Variants in KCNN2 observed in about 807,000 individuals in gnomAD.
KCNN2 encodes the protein small conductance calcium-activated potassium channel protein 2.
A neutral mutation model predicts 55.5 loss-of-function variants in KCNN2; 24 were observed. The ratio of observed to expected loss-of-function variants is 0.43; its 90% CI spans 0.31 to 0.61. The LOEUF (loss-of-function observed/expected upper bound fraction) is 0.61, where lower values mean the gene tolerates loss of function less well. Among genes scored for constraint, KCNN2 ranks in the 20% least tolerant of loss-of-function variants. The pLI, the probability that KCNN2 is intolerant of heterozygous loss-of-function variation, is 0.08. For missense variants in KCNN2, 754 were observed against 853.6 expected, an observed-to-expected ratio of 0.88 and a Z score of 1.45; for synonymous variants, 431 against 336.1, an observed-to-expected ratio of 1.28 and a Z score of -3.09.
intron 1 of KCNN2, among the ~76,000 whole-genome samples, chr5:114,082,890 T>C (rs1343890552): frequency 2.6e-5 from 4 of 151,858 alleles, no homozygotes; most frequent in Admixed American, 2.0e-4. Context: ...AGAATGGTGG[T>C]TGCCAGGAAC....
At chr5:114,440,668 A>G (rs895257759) in intron 3 of KCNN2, among the ~76,000 whole-genome samples, 11 of 52,248 alleles carry the variant, frequency 2.1e-4, no homozygotes, top group African/African-American at 8.3e-4. Flanking sequence ...TGCACTACTC[A>G]GGGGAAGTGG....
At chr5:114,154,550 G>A (rs779064116) in intron 1 of KCNN2, among the ~76,000 whole-genome samples, 71 of 152,242 alleles carry the variant, frequency 4.7e-4, no homozygotes, top group African/African-American at 7.0e-4. Flanking sequence ...CAGAAATGCT[G>A]TAAATACCCT....
At chr5:114,074,293 CGTGTGTGTGTGTGTGT>C (rs371882287) in intron 1 of KCNN2, among the ~76,000 whole-genome samples, 5 of 144,600 alleles carry the variant, frequency 3.5e-5, no homozygotes, top group African/African-American at 1.0e-4. Context: ...GCCATGTTTG[CGTGTGTGTGTGTGTGT>C]GTGTGTGTGT....
chr5:114,202,596 T>TTTTA (rs1753696773), intron 1 of KCNN2, among the ~76,000 whole-genome samples: 2 of 141,714 alleles, frequency 1.4e-5, no homozygotes, highest in African/African-American at 5.3e-5. Context: ...TTTTTTTTTT[T>TTTTA]TTTTTCCCGA....
At chr5:114,339,464 A>G (rs1459705539) in intron 2 of KCNN2, among the ~76,000 whole-genome samples, 1 of 152,180 alleles carries the variant, frequency 6.6e-6, no homozygotes. Context: ...AACAACTGGC[A>G]GAGTTTAACA....
chr5:114,402,769 G>T (rs1046792462), intron 2 of KCNN2, among the ~76,000 whole-genome samples: 1 of 152,222 alleles, frequency 6.6e-6, no homozygotes, highest in Non-Finnish European at 1.5e-5. Context: ...GCACAGGTGG[G>T]TGGTGGCCAT....
chr5:114,114,453 G>A (rs1751673114), intron 1 of KCNN2, among the ~76,000 whole-genome samples: 2 of 151,848 alleles, frequency 1.3e-5, no homozygotes, highest in South Asian at 4.2e-4. Context: ...TGCCCAGGTT[G>A]GCTTTGAAAC....
intron 2 of KCNN2, among the ~76,000 whole-genome samples, chr5:114,228,608 C>T (rs1430325673): frequency 6.6e-6 from 1 of 152,000 alleles, no homozygotes; most frequent in Non-Finnish European, 1.5e-5. Context: ...CCTGAAATTG[C>T]AGTTACACTA....
rs70976336 is a variant in KCNN2 at position 114,312,386 on chromosome 5, T to TACACAC, written c.-184-48515_-184-48510dup. On this transcript the variant is annotated intron_variant, in intron 2 of 10. Transcript: ENST00000512097. ...TCATCCTGTGAAATAAAAAAGGAGA[T>TACACAC]ACACACACACACACACACACACACA... Among the ~76,000 whole-genome samples the TACACAC allele has an allele frequency of 3.8e-3, 199 of 51,720 alleles. 2 individuals are homozygous for TACACAC. The highest frequency in any genetic ancestry group is 4.9e-3 in the Non-Finnish European group (132 of 26,806). 33.9% of individuals were successfully genotyped at this position (51,720 alleles called of 152,430 possible). A position where few individuals can be genotyped will look rare whatever the true frequency, so the allele number is the denominator to read the frequency against.
At chr5:114,155,667 G>T (rs565819698) in intron 1 of KCNN2, among the ~76,000 whole-genome samples, 40 of 152,102 alleles carry the variant, frequency 2.6e-4, no homozygotes, top group African/African-American at 9.4e-4. Flanking sequence ...ATGATTGTTG[G>T]CCACATGTAT....
intron 1 of KCNN2, among the ~76,000 whole-genome samples, chr5:114,141,494 G>A (rs1418365785): frequency 6.6e-6 from 1 of 152,112 alleles, no homozygotes; most frequent in African/African-American, 2.4e-5. Context: ...GTATTCCATG[G>A]TGTATATGTG....
chr5:114,494,410 G>A (rs1401509776), intron 7 of KCNN2, among the ~76,000 whole-genome samples: 1 of 149,634 alleles, frequency 6.7e-6, no homozygotes, highest in Non-Finnish European at 1.5e-5. Context: ...AGATGTTGAA[G>A]ACAGTAAGTA....
chr5:114,226,609 T>TA (rs1393777604), intron 2 of KCNN2, among the ~76,000 whole-genome samples: 1 of 152,122 alleles, frequency 6.6e-6, no homozygotes, highest in Non-Finnish European at 1.5e-5. Context: ...AACTGTCATG[T>TA]AAAGAAATAT....
chr5:114,218,779 C>T (rs1193346925), intron 1 of KCNN2, among the ~76,000 whole-genome samples: 5 of 152,136 alleles, frequency 3.3e-5, no homozygotes, highest in Non-Finnish European at 7.3e-5. Context: ...AACTAATATA[C>T]CACTCTTGTG....
intron 1 of KCNN2, among the ~76,000 whole-genome samples, chr5:114,058,325 G>A (rs1750253567): frequency 6.6e-6 from 1 of 152,096 alleles, no homozygotes; most frequent in African/African-American, 2.4e-5. Context: ...TGAAATTTGT[G>A]ATTTTGTGAT....
At chr5:114,065,846 GTTTTTTTTTTTTTTTTTTTT>G (rs56127808) in intron 1 of KCNN2, among the ~76,000 whole-genome samples, 14 of 45,244 alleles carry the variant, frequency 3.1e-4, no homozygotes, top group South Asian at 1.4e-3. Flanking sequence ...TCCTATGCAG[GTTTTTTTTTTTTTTTTTTTT>G]TTTTTTTTTT....
intron 2 of KCNN2, among the ~76,000 whole-genome samples, chr5:114,373,215 C>T (rs1356460587): frequency 1.3e-5 from 2 of 152,022 alleles, no homozygotes; most frequent in African/African-American, 4.8e-5. Flanking sequence ...TGGCAATTTG[C>T]TTCCCTGTGG....
intron 1 of KCNN2, among the ~76,000 whole-genome samples, chr5:114,064,214 G>A (rs1034409117): frequency 2.0e-5 from 3 of 152,208 alleles, no homozygotes; most frequent in African/African-American, 7.2e-5. Flanking sequence ...GCAGCTACTA[G>A]TGCCTCTCAC....
At chr5:114,242,713 T>G (rs1288387727) in intron 2 of KCNN2, among the ~76,000 whole-genome samples, 2 of 152,178 alleles carry the variant, frequency 1.3e-5, no homozygotes, top group Non-Finnish European at 2.9e-5. Flanking sequence ...TACATTTTTG[T>G]GAACATAGAG....
Sources: allele counts gnomAD v4.1 joint callset (sites outside exome capture counted in the v4.1 genomes callset), GRCh38; gene constraint gnomAD v4.1.1; transcripts MANE v1.5; gene names NCBI Gene and HGNC (gene_info 2026-07-23, HGNC 2026-07-21).